The following MAP9 variants were observed in gnomAD, a reference collection of about 807,000 sequenced individuals.
The protein encoded by MAP9 is microtubule associated protein 9, also known as microtubule-associated protein 9.
A neutral mutation model predicts 75.2 loss-of-function variants in MAP9; 80 were observed. The ratio of observed to expected loss-of-function variants is 1.06; its 90% CI spans 0.89 to 1.28. MAP9 has a LOEUF of 1.28. Among genes scored for constraint, MAP9 ranks in the 50% most tolerant of loss-of-function variants. The pLI is 0.00. For synonymous variants in MAP9, 235 were observed against 237.3 expected, an observed-to-expected ratio of 0.99 and a Z score of 0.09; for missense variants, 753 against 719.9, an observed-to-expected ratio of 1.05 and a Z score of -0.53.
chr4:155,373,629 C>T (rs1451403658), intron 3 of MAP9, among the ~76,000 whole-genome samples, 173 bp from the exon 4 acceptor site: 2 of 152,060 alleles, frequency 1.3e-5, no homozygotes, highest in Admixed American at 6.5e-5. Context: ...AACTCAGGCA[C>T]GTCTCATTAA....
intron 5 of MAP9, among the ~76,000 whole-genome samples, chr4:155,365,200 TAGAA>T (rs1014238935): frequency 1.3e-4 from 20 of 151,950 alleles, no homozygotes; most frequent in Non-Finnish European, 2.5e-4. Context: ...AGAAAAAAGA[TAGAA>T]AGCATATACC....
At chr4:155,356,079 C>A (rs960525126) in intron 8 of MAP9, among the ~76,000 whole-genome samples, 195 bp from the exon 9 acceptor site, 2 of 152,138 alleles carry the variant, frequency 1.3e-5, no homozygotes, top group South Asian at 2.1e-4. Flanking sequence ...CCAGCCTGGG[C>A]AACATGGTGA....
At position 155,355,135 on chromosome 4, in the gene MAP9, TAC is replaced by T. The variant is rs763575160; in HGVS notation, c.1314_1315del (p.Tyr439PhefsTer3). ...TTTTATTCTGTGCATTTCATGTAAA[TAC>T]ACATTTTTCTTTTCTAACCACTCCT... On this transcript the variant is annotated frameshift_variant, in exon 10 of 14. Coordinates refer to ENST00000311277, the MANE Select transcript of MAP9 (RefSeq NM_001039580.2). LOFTEE classifies it high-confidence loss of function. 8 of 1,392,590 alleles carry T rather than the reference TAC, an allele frequency of 5.7e-6. No individual in the cohort carries two copies. The highest frequency in any genetic ancestry group is 5.9e-6 in the Non-Finnish European group (6 of 1,022,746). The allele number at this position is 1,392,590 out of a possible 1,614,324, so 86.3% of individuals were successfully genotyped here. A position where few individuals can be genotyped will look rare whatever the true frequency, so the allele number is the denominator to read the frequency against.
At chr4:155,373,943 C>G (rs944390809) in intron 3 of MAP9, among the ~76,000 whole-genome samples, 29 of 152,114 alleles carry the variant, frequency 1.9e-4, no homozygotes, top group African/African-American at 7.0e-4. Context: ...ATTAGATTTA[C>G]TAAGAATCAT....
chr4:155,352,986 T>C lies in MAP9; in HGVS notation c.1614A>G (p.Glu538=), dbSNP rs758386420. ...KEKNRKEREY[E]RAKKQKEEET... Reference sequence around the variant, plus strand: ...CCTCCTCTTTCTGTTTCTTTGCTCTTTCATATTCTCTCTCCTTTCTATTTT... The same window carrying C: ...CCTCCTCTTTCTGTTTCTTTGCTCTCTCATATTCTCTCTCCTTTCTATTTT... Residue 538 remains glutamate (E), a synonymous_variant, in exon 12 of 14, where the codon GAA becomes GAG. Transcript: ENST00000311277. 1 of 1,543,146 alleles carries C rather than the reference T, an allele frequency of 6.5e-7. No homozygotes were observed. Among genetic ancestry groups the C allele is most frequent in the South Asian group, 1.2e-5 (1 of 83,296 alleles).
At chr4:155,352,823 T>A in intron 12 of MAP9, 89 bp downstream of exon 12, 1 of 1,403,720 alleles carries the variant, frequency 7.1e-7, no homozygotes, top group South Asian at 1.4e-5. Flanking sequence ...TTGAAATGCA[T>A]TACTAAATTT....
chr4:155,368,632 T>C lies in MAP9; in HGVS notation c.662A>G (p.Gln221Arg), dbSNP rs200975270. ...PSSLPTPNGI[Q>R]LEAEKKAFSE... ...GAATGCTTTTTTCTCAGCTTCTAAT[T>C]GTATGCCATTCGGCGTTGGAAGGGA... Residue 221 changes from glutamine to arginine, a missense_variant, in exon 5 of 14, where the codon CAA (glutamine) becomes CGA (arginine). Coordinates refer to ENST00000311277, the MANE Select transcript of MAP9 (RefSeq NM_001039580.2). The C allele has an allele frequency of 1.2e-4, 196 of 1,614,196 alleles. No homozygotes were observed. The East Asian group carries it at 3.5e-3, about 29-fold the overall frequency.
At position 155,356,771 on chromosome 4, in the gene MAP9, C is replaced by T. The variant is rs566129619; in HGVS notation, c.1121+678G>A. 6.6e-5 allele frequency among the ~76,000 whole-genome samples: 10 copies of T among 152,202 alleles called. No individual in the cohort carries two copies. The South Asian group carries it at 2.1e-3, about 32-fold the overall frequency. Reference sequence around the variant, plus strand: ...TGAGTAGTTCCAATACAGACTGTATCGCCTACAAAGCCTAAAATATGCACT... The same window carrying T: ...TGAGTAGTTCCAATACAGACTGTATTGCCTACAAAGCCTAAAATATGCACT... On this transcript the variant is annotated intron_variant, in intron 8 of 13. Coordinates refer to ENST00000311277, the MANE Select transcript of MAP9 (RefSeq NM_001039580.2).
At chr4:155,349,914 T>C (rs1215783388) in intron 13 of MAP9, 1 of 163,180 alleles carries the variant, frequency 6.1e-6, no homozygotes, top group Non-Finnish European at 1.3e-5. Flanking sequence ...GACAATTATA[T>C]TAACTGTAAT....
intron 5 of MAP9, among the ~76,000 whole-genome samples, chr4:155,367,844 CA>C (rs1363047222): frequency 6.6e-6 from 1 of 152,222 alleles, no homozygotes; most frequent in Non-Finnish European, 1.5e-5. Context: ...CCTTAAGCAC[CA>C]ACACTGCAGA....
chr4:155,363,592 T>C (rs1446109997), intron 5 of MAP9, among the ~76,000 whole-genome samples: 1 of 151,938 alleles, frequency 6.6e-6, no homozygotes, highest in African/African-American at 2.4e-5. Flanking sequence ...AAAATACCAA[T>C]AGAAAATCTG....
At chr4:155,373,692 T>A (rs1307198718) in intron 3 of MAP9, among the ~76,000 whole-genome samples, 1 of 152,240 alleles carries the variant, frequency 6.6e-6, no homozygotes, top group Non-Finnish European at 1.5e-5. Flanking sequence ...ATGTATTTAT[T>A]GTGTTGTCTG....
Position 155,352,631 on chromosome 4 carries a change from C to A in MAP9, c.1786G>T (p.Asp596Tyr). ...ELKRAEKKDK[D>Y]KQAINEYEKW... ...TCATATTCATTAATAGCTTGTTTATCTTTATCTTTTTTCTCAGCTCTTTTC... is the reference window on the plus strand; with the variant it reads ...TCATATTCATTAATAGCTTGTTTATATTTATCTTTTTTCTCAGCTCTTTTC... Residue 596 changes from aspartate to tyrosine, a missense_variant, in exon 13 of 14, where the codon GAT (aspartate) becomes TAT (tyrosine). Asp to Tyr is a radical substitution (Grantham distance 160). Coordinates refer to ENST00000311277, the MANE Select transcript of MAP9 (RefSeq NM_001039580.2). The A allele has an allele frequency of 9.8e-6, 15 of 1,528,938 alleles. No individual in the cohort carries two copies. The highest frequency in any genetic ancestry group is 1.3e-5 in the Non-Finnish European group (14 of 1,117,278). 94.7% of individuals were successfully genotyped at this position (1,528,938 alleles called of 1,614,324 possible).
Position 155,352,951 on chromosome 4 carries a change from G to A in MAP9, c.1649C>T (p.Ala550Val), listed in dbSNP as rs931004851. 18 of 1,534,428 alleles carry A rather than the reference G, an allele frequency of 1.2e-5. No homozygotes were observed. The highest frequency in any genetic ancestry group is 2.0e-5 in the Admixed American group (1 of 50,852). The change falls in exon 12 of 14, where the codon GCC (alanine) becomes GTC (valine). Residue 550 changes from alanine to valine, a missense_variant. Ala to Val is a moderately conservative substitution (Grantham distance 64, BLOSUM62 0). Coordinates refer to ENST00000311277, the MANE Select transcript of MAP9 (RefSeq NM_001039580.2). ...AGTTAAATTATCTTTCTTTTTCTCG[G>A]CAACAGTTTCCTCCTCTTTCTGTTT... Reference protein sequence around the residue: ...AKKQKEEETVAEKKKDNLTAV... With the variant: ...AKKQKEEETVVEKKKDNLTAV...
intron 13 of MAP9, among the ~76,000 whole-genome samples, 168 bp from the exon 14 acceptor site, chr4:155,348,073 T>G (rs1731348385): frequency 6.6e-6 from 1 of 152,172 alleles, no homozygotes; most frequent in South Asian, 2.1e-4. Flanking sequence ...TGGTGGCTCA[T>G]GCCAGTAATC....
At chr4:155,348,242 T>TG (rs35623431) in intron 13 of MAP9, among the ~76,000 whole-genome samples, 31,546 of 150,474 alleles carry the variant, frequency 0.21, 3,531 homozygotes, top group South Asian at 0.29. Flanking sequence ...GAGGCTGAGA[T>TG]GGGAGGATTG....
At chr4:155,370,564 C>A (rs1732547148) in intron 4 of MAP9, among the ~76,000 whole-genome samples, 1 of 152,194 alleles carries the variant, frequency 6.6e-6, no homozygotes, top group Admixed American at 6.5e-5. Flanking sequence ...CTTCCTGCTT[C>A]TCCTCCTGAC....
chr4:155,366,026 A>C (rs533472498), intron 5 of MAP9, among the ~76,000 whole-genome samples: 48 of 152,304 alleles, frequency 3.2e-4, no homozygotes, highest in African/African-American at 1.2e-3. Context: ...AAAATGAATG[A>C]GAAAATTTTC....
At chr4:155,376,200 C>A (rs924930797) in intron 1 of MAP9, among the ~76,000 whole-genome samples, 1 of 152,060 alleles carries the variant, frequency 6.6e-6, no homozygotes, top group Admixed American at 6.6e-5. Context: ...AATAGAACAC[C>A]TTATTTTTCA....
Sources: allele counts gnomAD v4.1 joint callset (sites outside exome capture counted in the v4.1 genomes callset), GRCh38; gene constraint gnomAD v4.1.1; transcripts MANE v1.5; gene names NCBI Gene and HGNC (gene_info 2026-07-23, HGNC 2026-07-21).